Variants in HFM1 observed in about 807,000 individuals in gnomAD.
HFM1 encodes the protein probable ATP-dependent DNA helicase HFM1.
A neutral mutation model predicts 192.1 loss-of-function variants in HFM1; 169 were observed. That is an observed-to-expected ratio of 0.88 (90% CI 0.78 to 1.00). The LOEUF (loss-of-function observed/expected upper bound fraction) is 1.00. HFM1 is among the 50% of genes least tolerant of loss of function. HFM1 has a pLI of 0.00. For missense variants in HFM1, 1,661 were observed against 1,668.0 expected, an observed-to-expected ratio of 1.00 and a Z score of 0.07; for synonymous variants, 525 against 537.8, an observed-to-expected ratio of 0.98 and a Z score of 0.33.
Position 91,350,777 on chromosome 1 carries a change from G to C in HFM1, c.2167C>G (p.Leu723Val). Reference sequence around the variant, plus strand: ...TTTTTCAAGGCTCTGATATAAAGCAGAGTTGATCGTATCCATTCCACAGCA... The same window carrying C: ...TTTTTCAAGGCTCTGATATAAAGCACAGTTGATCGTATCCATTCCACAGCA... ...NIAVEWIRST[L>V]LYIRALKNPS... The change falls in exon 18 of 39, where the codon CTG becomes GTG. Residue 723 changes from leucine to valine, a missense_variant. Coordinates refer to ENST00000370425, the MANE Select transcript of HFM1 (RefSeq NM_001017975.6). The C allele has an allele frequency of 6.2e-7, 1 of 1,611,616 alleles. No individual in the cohort carries two copies. Among genetic ancestry groups the C allele is most frequent in the East Asian group, 2.2e-5 (1 of 44,736 alleles).
intron 30 of HFM1, among the ~76,000 whole-genome samples, chr1:91,302,565 C>A (rs375986684): frequency 1.3e-5 from 2 of 152,086 alleles, no homozygotes; most frequent in East Asian, 1.9e-4. Context: ...TGGATTAAGA[C>A]AATGTGGCAC....
At position 91,348,476 on chromosome 1, in the gene HFM1, C is replaced by T. The variant is rs577000752; in HGVS notation, c.2207-1000G>A. Among the ~76,000 whole-genome samples, 16 of 152,118 alleles carry T rather than the reference C, an allele frequency of 1.1e-4. 1 individual carries two copies. In the South Asian group the frequency reaches 2.5e-3, roughly 24 times the overall value. ...ATTTCATTTCTAGAGATTTATCATA[C>T]GGATAGATTCATACATGTAAAAAAT... On this transcript the variant is annotated intron_variant, in intron 18 of 38. Coordinates refer to ENST00000370425, the MANE Select transcript of HFM1 (RefSeq NM_001017975.6).
In HFM1 at chr1:91,261,293, G is replaced by T; in HGVS notation, c.4305C>A (p.Phe1435Leu). Residue 1435 changes from phenylalanine to leucine, a missense_variant, in exon 39 of 39, where the codon TTC (phenylalanine) becomes TTA (leucine). By Grantham distance (22) the Phe-to-Leu change is conservative. Coordinates refer to ENST00000370425, the MANE Select transcript of HFM1 (RefSeq NM_001017975.6). ...ATATAAAAAGTATTTGTTTGTTTTA[G>T]AAAATACCATCAAATATTCCCAATA... ...KSLLGIFDGIF is the reference protein window; with the variant it reads ...KSLLGIFDGIL The T allele has an allele frequency of 7.6e-7, 1 of 1,310,390 alleles. No homozygotes were observed. 81.2% of individuals were successfully genotyped at this position (1,310,390 alleles called of 1,614,324 possible). A position where few individuals can be genotyped will look rare whatever the true frequency, so the allele number is the denominator to read the frequency against.
chr1:91,401,504 A>G (rs1458506498), intron 1 of HFM1, among the ~76,000 whole-genome samples: 1 of 152,198 alleles, frequency 6.6e-6, no homozygotes, highest in East Asian at 1.9e-4. Flanking sequence ...TGTTCACACC[A>G]TTATTTTCAA....
intron 36 of HFM1, among the ~76,000 whole-genome samples, chr1:91,264,969 T>C (rs1557746865): frequency 6.6e-6 from 1 of 152,220 alleles, no homozygotes; most frequent in Non-Finnish European, 1.5e-5. Flanking sequence ...ATCCTATCAA[T>C]TGCCACACTG....
At chr1:91,329,165 T>C (rs1653420289) in intron 20 of HFM1, 7 of 1,610,090 alleles carry the variant, frequency 4.3e-6, no homozygotes, top group Non-Finnish European at 5.9e-6. Context: ...TGCAGCGACT[T>C]GACCCCAACA....
rs77784465 is a variant in HFM1 at position 91,270,351 on chromosome 1, T to G, written c.3773-2496A>C. On this transcript the variant is annotated intron_variant, in intron 34 of 38. Coordinates refer to ENST00000370425, the MANE Select transcript of HFM1 (RefSeq NM_001017975.6). ...ATTGAGCTAAGGCAAAAAGAAAAGGTGTAGAGTGAGGTAAGAAGAAGACAG... is the reference window on the plus strand; with the variant it reads ...ATTGAGCTAAGGCAAAAAGAAAAGGGGTAGAGTGAGGTAAGAAGAAGACAG... 4.9e-4 allele frequency among the ~76,000 whole-genome samples: 75 copies of G among 151,764 alleles called. 2 individuals carry two copies. The East Asian group carries it at 5.2e-3, about 11-fold the overall frequency.
At chr1:91,266,216 G>T in intron 35 of HFM1, 109 bp from the exon 36 acceptor site, 1 of 797,170 alleles carries the variant, frequency 1.3e-6, no homozygotes, top group Non-Finnish European at 2.0e-6. Context: ...ATTAAGGAAG[G>T]AATGAATAAT....
chr1:91,396,746 G>GT (rs1168382458), intron 2 of HFM1, among the ~76,000 whole-genome samples: 1 of 152,136 alleles, frequency 6.6e-6, no homozygotes, highest in African/African-American at 2.4e-5. Context: ...ACTATTACAA[G>GT]TAACAAATTA....
At chr1:91,275,335 C>T (rs1285338394) in intron 32 of HFM1, among the ~76,000 whole-genome samples, 2 of 152,098 alleles carry the variant, frequency 1.3e-5, no homozygotes, top group Admixed American at 1.3e-4. Context: ...TACACTACAC[C>T]TTCTCAATCA....
In HFM1 at chr1:91,369,302, T is replaced by G. The variant is rs992628038; in HGVS notation, c.1685+6056A>C. On this transcript the variant is annotated intron_variant, in intron 13 of 38. Transcript: ENST00000370425. ...CCAAATAAACAGAATATACATTCTT[T>G]TCAGCACCACACCACACCTATTCCA... is the stretch of plus-strand genomic sequence containing the variant. 7.2e-5 allele frequency among the ~76,000 whole-genome samples: 11 copies of G among 152,150 alleles called. 1 individual carries two copies. Among genetic ancestry groups the G allele is most frequent in the African/African-American group, 1.9e-4 (8 of 41,434 alleles).
chr1:91,381,682 C>T (rs1040070553), intron 6 of HFM1, among the ~76,000 whole-genome samples: 1 of 151,994 alleles, frequency 6.6e-6, no homozygotes, highest in African/African-American at 2.4e-5. Flanking sequence ...AGTCATTGAA[C>T]ACTATATACA....
At position 91,287,324 on chromosome 1, in the gene HFM1, A is replaced by T. The variant is rs189496537; in HGVS notation, c.3392-10262T>A. On this transcript the variant is annotated intron_variant, in intron 30 of 38. Transcript: ENST00000370425. ...TGCAGCTGGAGATCTGAGAAGGGGCAGACTGCCTCCTCAAGTGAGTCCCTG... is the reference window on the plus strand; with the variant it reads ...TGCAGCTGGAGATCTGAGAAGGGGCTGACTGCCTCCTCAAGTGAGTCCCTG... Among the ~76,000 whole-genome samples, 390 of 152,338 alleles carry T rather than the reference A, an allele frequency of 2.6e-3. 3 individuals carry two copies. The highest frequency in any genetic ancestry group is 8.7e-3 in the African/African-American group (363 of 41,592).
chr1:91,331,040 G>A (rs376988263), intron 20 of HFM1, among the ~76,000 whole-genome samples: 1 of 152,092 alleles, frequency 6.6e-6, no homozygotes, highest in African/African-American at 2.4e-5. Flanking sequence ...GGGGATAAAC[G>A]GAAAAGCTTT....
Position 91,385,835 on chromosome 1 carries a change from C to T in HFM1, c.495-1G>A, listed in dbSNP as rs1662136306. ...TATATTGTCAGATATTTTAAATAAT[C>T]TGCAAACAAAAAAAAGACCCACATA... On this transcript the variant is annotated splice_acceptor_variant, in intron 4 of 38. Transcript: ENST00000370425. LOFTEE classifies it high-confidence loss of function. The T allele has an allele frequency of 6.3e-7, 1 of 1,583,224 alleles. No individual in the cohort carries two copies. Among genetic ancestry groups the T allele is most frequent in the African/African-American group, 1.4e-5 (1 of 73,270 alleles).
At chr1:91,313,716 A>C (rs970335608) in intron 29 of HFM1, among the ~76,000 whole-genome samples, 1 of 152,024 alleles carries the variant, frequency 6.6e-6, no homozygotes, top group Non-Finnish European at 1.5e-5. Context: ...CAACTTAACT[A>C]TCTAGGAAAA....
chr1:91,261,310 T>G lies in HFM1; in HGVS notation c.4288A>C (p.Ile1430Leu). 7.1e-7 allele frequency: 1 copy of G among 1,403,278 alleles called. No individual in the cohort carries two copies. The highest frequency in any genetic ancestry group is 9.4e-7 in the Non-Finnish European group (1 of 1,059,640). 86.9% of individuals were successfully genotyped at this position (1,403,278 alleles called of 1,614,324 possible). A position where few individuals can be genotyped will look rare whatever the true frequency, so the allele number is the denominator to read the frequency against. Residue 1430 changes from isoleucine (I) to leucine (L), a missense_variant, in exon 39 of 39, where the codon ATA (isoleucine) becomes CTA (leucine). By Grantham distance (5) the Ile-to-Leu change is conservative (BLOSUM62 2). Transcript: ENST00000370425. ...EADEMKSLLG[I>L]FDGIF The stretch of plus-strand genomic sequence containing the variant: ...TTGTTTTAGAAAATACCATCAAATA[T>G]TCCCAATAAAGACTTCATTTCATCA...
At chr1:91,302,374 G>T (rs1570872872) in intron 30 of HFM1, among the ~76,000 whole-genome samples, 1 of 151,996 alleles carries the variant, frequency 6.6e-6, no homozygotes, top group East Asian at 1.9e-4. Flanking sequence ...AGTCAGTGTG[G>T]CGATTCCTCA....
chr1:91,406,774 G>A (rs1040497004), upstream of HFM1, among the ~76,000 whole-genome samples: 2 of 152,184 alleles, frequency 1.3e-5, no homozygotes, highest in African/African-American at 4.8e-5. Context: ...AGTGAAACTG[G>A]TGAAAATTCT....
Sources: gnomAD v4.1 joint callset for allele counts (sites outside exome capture counted in the v4.1 genomes callset) on GRCh38, gnomAD v4.1.1 for gene constraint, MANE v1.5 for transcripts, NCBI Gene and HGNC (gene_info 2026-07-23, HGNC 2026-07-21) for gene names.